NPL: variants seen among roughly 807,000 people sequenced by gnomAD.
NPL encodes N-acetylneuraminate pyruvate lyase, also known as N-acetylneuraminate lyase.
A neutral mutation model predicts 41.1 loss-of-function variants in NPL; 32 were observed. The ratio of observed to expected loss-of-function variants is 0.78; its 90% CI spans 0.59 to 1.05. NPL has a LOEUF of 1.05. Among genes scored for constraint, NPL ranks in the 50% least tolerant of loss-of-function variants. NPL has a pLI of 0.00. For synonymous variants in NPL, 128 were observed against 134.9 expected (o/e 0.95, Z 0.35); for missense variants, 321 against 378.4 (o/e 0.85, Z 1.26).
rs776230209 is a variant in NPL at position 182,818,583 on chromosome 1, C to A, written c.500C>A (p.Pro167His). ...ELLDGILDKI[P>H]TFQGLKFSDT... ...TTGGATGGGATTCTGGATAAGATCC[C>A]CACCTTCCAAGGGCTGAAATTCAGT... The change falls in exon 9 of 13, where the codon CCC becomes CAC. Residue 167 changes from proline to histidine, a missense_variant. Coordinates refer to ENST00000367553, the MANE Select transcript of NPL (RefSeq NM_030769.3). 1 of 1,614,164 alleles carries A rather than the reference C, an allele frequency of 6.2e-7. No individual in the cohort carries two copies. Among genetic ancestry groups the A allele is most frequent in the Non-Finnish European group, 8.5e-7 (1 of 1,180,022 alleles).
At chr1:182,824,135 G>A (rs1371206614) in intron 11 of NPL, among the ~76,000 whole-genome samples, 1 of 152,172 alleles carries the variant, frequency 6.6e-6, no homozygotes, top group African/African-American at 2.4e-5. Flanking sequence ...GATATTCCTT[G>A]CAGCTTTGTT....
intron 7 of NPL, among the ~76,000 whole-genome samples, chr1:182,815,638 C>G (rs920682655): frequency 3.9e-5 from 6 of 152,138 alleles, no homozygotes; most frequent in Non-Finnish European, 8.8e-5. Flanking sequence ...AGGTCTTGCT[C>G]TGTTGCCCAG....
chr1:182,796,716 G>A (rs543447643), intron 3 of NPL, among the ~76,000 whole-genome samples: 1 of 152,068 alleles, frequency 6.6e-6, no homozygotes, highest in Non-Finnish European at 1.5e-5. Context: ...TTAGCTCTCC[G>A]ACCCTGGGGA....
chr1:182,818,716 C>G lies in NPL; in HGVS notation c.606+27C>G, dbSNP rs763821540. The G allele has an allele frequency of 1.7e-5, 28 of 1,614,018 alleles. 1 individual carries two copies. The South Asian group carries it at 2.1e-4, about 12-fold the overall frequency. ...TAAGTCACCCCCTAGCATGTTGCAG[C>G]AGGTCAGTTCCCTCCAAAACAATTT... On this transcript the variant is annotated intron_variant, in intron 9 of 12. Transcript: ENST00000367553.
intron 3 of NPL, among the ~76,000 whole-genome samples, chr1:182,799,880 C>T (rs1000881048): frequency 6.6e-6 from 1 of 152,166 alleles, no homozygotes; most frequent in African/African-American, 2.4e-5. Context: ...CTGGGTCACT[C>T]TCCCCTGATG....
At chr1:182,807,584 A>C (rs750226619) in intron 5 of NPL, among the ~76,000 whole-genome samples, 5 of 152,046 alleles carry the variant, frequency 3.3e-5, no homozygotes, top group Non-Finnish European at 5.9e-5. Context: ...GCACACATTA[A>C]GAACAGTACT....
intron 7 of NPL, 32 bp from the exon 8 acceptor site, chr1:182,816,682 T>C (rs1322018297): frequency 6.7e-7 from 1 of 1,496,972 alleles, no homozygotes; most frequent in African/African-American, 1.4e-5. Context: ...TTACACCTGT[T>C]CACACCATGA....
intron 5 of NPL, among the ~76,000 whole-genome samples, chr1:182,807,641 C>T (rs1420884899): frequency 1.3e-5 from 2 of 150,692 alleles, no homozygotes; most frequent in East Asian, 2.0e-4. Context: ...CTTTGGGAGG[C>T]CAAGGCGGGC....
intron 10 of NPL, 37 bp downstream of exon 10, chr1:182,818,896 C>G: frequency 1.3e-6 from 2 of 1,586,004 alleles, no homozygotes; most frequent in Non-Finnish European, 1.7e-6. Context: ...GTTATAAAGT[C>G]CCCCATAAAG....
intron 3 of NPL, among the ~76,000 whole-genome samples, chr1:182,797,995 GCAAA>G (rs1336718891): frequency 6.6e-6 from 1 of 152,168 alleles, no homozygotes; most frequent in Non-Finnish European, 1.5e-5. Context: ...AGGGAAGGAA[GCAAA>G]CACTGATTGA....
At chr1:182,818,072 C>T (rs560228762) in intron 8 of NPL, among the ~76,000 whole-genome samples, 19 of 152,198 alleles carry the variant, frequency 1.2e-4, no homozygotes, top group Non-Finnish European at 2.4e-4. Context: ...TCTAGGTGAT[C>T]TAGCCATCAG....
At chr1:182,806,087 G>C in intron 4 of NPL, 58 bp from the exon 5 acceptor site, 1 of 1,607,534 alleles carries the variant, frequency 6.2e-7, no homozygotes, top group Non-Finnish European at 8.5e-7. Context: ...TTTCAGACTC[G>C]GGGTTGGAGA....
In NPL at chr1:182,829,925, A is replaced by G. The variant is rs1557956727; in HGVS notation, c.*1017A>G. 1 of 343,714 alleles carries G rather than the reference A, an allele frequency of 2.9e-6. No individual in the cohort carries two copies. Among genetic ancestry groups the G allele is most frequent in the Non-Finnish European group, 5.3e-6 (1 of 188,030 alleles). 21.3% of individuals were successfully genotyped at this position (343,714 alleles called of 1,614,324 possible). A position where few individuals can be genotyped will look rare whatever the true frequency, so the allele number is the denominator to read the frequency against. On this transcript the variant is annotated 3_prime_UTR_variant, in exon 13 of 13. Transcript: ENST00000367553. ...TCTCCCTTCTAACAAACCTTGATAT[A>G]AGCTTTCTGATATCAAAGTATATTG...
At chr1:182,813,857 A>G (rs1296849780) in intron 6 of NPL, among the ~76,000 whole-genome samples, 1 of 152,246 alleles carries the variant, frequency 6.6e-6, no homozygotes. Flanking sequence ...TAAACAGAGT[A>G]GTAAGCAAAT....
intron 5 of NPL, 34 bp from the exon 6 acceptor site, chr1:182,812,122 T>C: frequency 6.2e-7 from 1 of 1,611,486 alleles, no homozygotes; most frequent in Non-Finnish European, 8.5e-7. Flanking sequence ...GCCTCTAAAC[T>C]CTAAGCGATG....
At chr1:182,814,957 T>C (rs1273731942) in intron 7 of NPL, 99 bp downstream of exon 7, 1 of 977,316 alleles carries the variant, frequency 1.0e-6, no homozygotes, top group African/African-American at 1.6e-5. Context: ...TAAAGCACTA[T>C]AGATTGGAGG....
chr1:182,812,328 G>A (rs1240777728), intron 6 of NPL, 115 bp downstream of exon 6: 2 of 919,778 alleles, frequency 2.2e-6, no homozygotes, highest in Non-Finnish European at 3.5e-6. Flanking sequence ...AAGAAATAAG[G>A]TGTGGGATCT....
At chr1:182,817,174 T>C (rs1049416786) in intron 8 of NPL, among the ~76,000 whole-genome samples, 4 of 152,232 alleles carry the variant, frequency 2.6e-5, no homozygotes, top group Admixed American at 1.3e-4. Flanking sequence ...CTGTAGCACA[T>C]AGGAAAGTCC....
rs113532382 is a variant in NPL at position 182,790,091 on chromosome 1, C to G, written c.-72+286C>G. On this transcript the variant is annotated intron_variant, in intron 1 of 12. Transcript: ENST00000367553. ...GGTCCTTTCCTCAAAATAGAGTTAG[C>G]AATTGAGCAGAAGAGAGCTTAAAGT... Among the ~76,000 whole-genome samples the G allele has an allele frequency of 9.8e-3, 1,491 of 152,294 alleles. 26 individuals carry two copies. The highest frequency in any genetic ancestry group is 0.034 in the African/African-American group (1,411 of 41,556).
Sources: allele counts gnomAD v4.1 joint callset (sites outside exome capture counted in the v4.1 genomes callset), GRCh38; gene constraint gnomAD v4.1.1; transcripts MANE v1.5; gene names NCBI Gene and HGNC (gene_info 2026-07-23, HGNC 2026-07-21).